The following RIMS3 variants were observed in gnomAD, a reference collection of about 807,000 sequenced individuals.
The protein encoded by RIMS3 is regulating synaptic membrane exocytosis protein 3.
A neutral mutation model predicts 29.2 loss-of-function variants in RIMS3; 15 were observed. The observed-to-expected ratio is 0.51, with a 90% CI of 0.34 to 0.79. The LOEUF (loss-of-function observed/expected upper bound fraction) is 0.79. RIMS3 is among the 30% of genes least tolerant of loss of function. The pLI is 0.01. For missense variants in RIMS3, 342 were observed against 421.4 expected, an observed-to-expected ratio of 0.81 and a Z score of 1.65; for synonymous variants, 161 against 170.1, an observed-to-expected ratio of 0.95 and a Z score of 0.41.
Position 40,641,766 on chromosome 1 carries a change from C to A in RIMS3, c.160G>T (p.Val54Leu). Residue 54 changes from valine (V) to leucine (L), a missense_variant, in exon 3 of 8, where the codon GTG (valine) becomes TTG (leucine). By Grantham distance (32) the Val-to-Leu change is conservative (BLOSUM62 1). Transcript: ENST00000372684. Reference sequence around the variant, plus strand: ...CACTGAGTCAGGCCCACGATGGCCACCATCTTGGCACCCAGGCTGCTCCGC... The same window carrying A: ...CACTGAGTCAGGCCCACGATGGCCAACATCTTGGCACCCAGGCTGCTCCGC... ...KRRSSLGAKM[V>L]AIVGLTQWSK... 1 of 1,613,874 alleles carries A rather than the reference C, an allele frequency of 6.2e-7. No individual in the cohort carries two copies. The highest frequency in any genetic ancestry group is 1.3e-5 in the African/African-American group (1 of 75,044).
chr1:40,669,717 A>T (rs147034121), upstream of RIMS3: 850 of 152,390 alleles, frequency 5.6e-3, 7 homozygotes, highest in Non-Finnish European at 8.1e-3. Context: ...GGTAGACCAC[A>T]GATGGGGCTG....
chr1:40,661,962 C>T (rs1262300509), intron 1 of RIMS3, among the ~76,000 whole-genome samples: 1 of 152,184 alleles, frequency 6.6e-6, no homozygotes, highest in Admixed American at 6.5e-5. Flanking sequence ...GCTGTCCTCC[C>T]TCCTGGGGCC....
At chr1:40,638,840 A>G (rs1646537848) in intron 3 of RIMS3, among the ~76,000 whole-genome samples, 1 of 152,250 alleles carries the variant, frequency 6.6e-6, no homozygotes, top group Non-Finnish European at 1.5e-5. Context: ...ATTTTACAGA[A>G]GAGGAAACTG....
rs550951073 is a variant in RIMS3 at position 40,641,240 on chromosome 1, T to C, written c.217+469A>G. 2.6e-5 allele frequency among the ~76,000 whole-genome samples: 4 copies of C among 152,332 alleles called. No individual in the cohort carries two copies. In the South Asian group the frequency reaches 6.2e-4, roughly 24 times the overall value. On this transcript the variant is annotated intron_variant, in intron 3 of 7. Transcript: ENST00000372684. Reference sequence around the variant, plus strand: ...CTCCCGCTTCTCCCTCCCAAAGTGCTGGGATTATAGGTGTGAACCCTGCAC... The same window carrying C: ...CTCCCGCTTCTCCCTCCCAAAGTGCCGGGATTATAGGTGTGAACCCTGCAC...
At position 40,626,731 on chromosome 1, in the gene RIMS3, T is replaced by C; in HGVS notation, c.715-2A>G. ...GCCATAGTCTCCCCAGACGATCACCTGCCAGGAGGAAGAGAGGGAGGGAGT... is the reference window on the plus strand; with the variant it reads ...GCCATAGTCTCCCCAGACGATCACCCGCCAGGAGGAAGAGAGGGAGGGAGT... On this transcript the variant is annotated splice_acceptor_variant, in intron 7 of 7. Transcript: ENST00000372684. LOFTEE classifies it high-confidence loss of function. The C allele has an allele frequency of 6.2e-7, 1 of 1,613,870 alleles. No individual in the cohort carries two copies. The highest frequency in any genetic ancestry group is 8.5e-7 in the Non-Finnish European group (1 of 1,179,920).
At chr1:40,681,379 A>G in the RIMS3 span, 1 of 151,600 alleles carries the variant, frequency 6.6e-6, no homozygotes, top group Non-Finnish European at 1.5e-5. Flanking sequence ...TTTTGACCCC[A>G]GAACTGCTTT....
At chr1:40,640,147 G>A (rs1646546302) in intron 3 of RIMS3, among the ~76,000 whole-genome samples, 1 of 152,104 alleles carries the variant, frequency 6.6e-6, no homozygotes, top group African/African-American at 2.4e-5. Context: ...GTCCCCTGGA[G>A]CCAGACTCCC....
the RIMS3 span, among the ~76,000 whole-genome samples, chr1:40,671,909 T>C: frequency 1.3e-5 from 2 of 151,934 alleles, no homozygotes; most frequent in African/African-American, 4.8e-5. Context: ...ACTACAGGCA[T>C]GTACCACCAT....
In RIMS3 at chr1:40,626,157, G is replaced by A. The variant is rs1047568777; in HGVS notation, c.*360C>T. ...GACCAGGCAGCACCGACCAGTGGCC[G>A]CATGCCCCACCTCCATCCCTGGAGA... is the stretch of plus-strand genomic sequence containing the variant. On this transcript the variant is annotated 3_prime_UTR_variant, in exon 8 of 8. Transcript: ENST00000372684. The A allele has an allele frequency of 1.1e-5, 4 of 348,884 alleles. No homozygotes were observed. Among genetic ancestry groups the A allele is most frequent in the African/African-American group, 2.1e-5 (1 of 47,366 alleles). 21.6% of individuals were successfully genotyped at this position (348,884 alleles called of 1,614,324 possible). A position where few individuals can be genotyped will look rare whatever the true frequency, so the allele number is the denominator to read the frequency against.
At chr1:40,629,054 G>C in intron 6 of RIMS3, 105 bp from the exon 7 acceptor site, 2 of 1,434,664 alleles carry the variant, frequency 1.4e-6, no homozygotes, top group Middle Eastern at 2.2e-4. Context: ...AGGATGTGTG[G>C]AATGAGCCAG....
intron 5 of RIMS3, among the ~76,000 whole-genome samples, chr1:40,632,364 T>G (rs1168282739): frequency 2.0e-5 from 3 of 150,154 alleles, no homozygotes; most frequent in Non-Finnish European, 4.4e-5. Flanking sequence ...ATGATTGATA[T>G]TCAGTAATGG....
At chr1:40,661,988 C>A (rs959148698) in intron 1 of RIMS3, among the ~76,000 whole-genome samples, 3 of 152,308 alleles carry the variant, frequency 2.0e-5, no homozygotes, top group East Asian at 3.9e-4. Context: ...CATAAACAAC[C>A]GGTTCCCTGG....
upstream of RIMS3, among the ~76,000 whole-genome samples, chr1:40,665,919 G>A (rs967084108): frequency 5.3e-5 from 8 of 152,154 alleles, no homozygotes; most frequent in Non-Finnish European, 1.2e-4. Context: ...CTCCTGCCCG[G>A]CCTCCCCTCT....
chr1:40,664,580 C>T (rs1188601435), intron 1 of RIMS3, among the ~76,000 whole-genome samples: 1 of 152,162 alleles, frequency 6.6e-6, no homozygotes, highest in Non-Finnish European at 1.5e-5. Context: ...CACATTGAAA[C>T]AGGCCCCAAG....
chr1:40,671,865 GGA>G, the RIMS3 span, among the ~76,000 whole-genome samples: 1 of 151,286 alleles, frequency 6.6e-6, no homozygotes, highest in Non-Finnish European at 1.5e-5. Context: ...CAGGTTCAAG[GGA>G]TTCTCCTACC....
chr1:40,669,275 T>C (rs1166434847), upstream of RIMS3, among the ~76,000 whole-genome samples: 1 of 152,236 alleles, frequency 6.6e-6, no homozygotes, highest in Non-Finnish European at 1.5e-5. Flanking sequence ...CTTATCTCCA[T>C]TTGATGGACG....
the RIMS3 span, among the ~76,000 whole-genome samples, chr1:40,681,188 C>G: frequency 1.3e-5 from 2 of 152,346 alleles, no homozygotes; most frequent in Admixed American, 6.5e-5. Flanking sequence ...CCTATTTCAA[C>G]TCCTGCTTCC....
chr1:40,671,113 T>C, the RIMS3 span, among the ~76,000 whole-genome samples: 1 of 152,088 alleles, frequency 6.6e-6, no homozygotes, highest in Non-Finnish European at 1.5e-5. Flanking sequence ...TTTTGTGGTT[T>C]AGGTAGTAGA....
chr1:40,691,686 G>A, the RIMS3 span: 3 of 450,768 alleles, frequency 6.7e-6, no homozygotes, highest in Non-Finnish European at 1.3e-5. Flanking sequence ...GGAGGGGGAA[G>A]GGAAAAGGGG....
Sources: allele counts gnomAD v4.1 joint callset (sites outside exome capture counted in the v4.1 genomes callset), GRCh38; gene constraint gnomAD v4.1.1; transcripts MANE v1.5; gene names NCBI Gene and HGNC (gene_info 2026-07-23, HGNC 2026-07-21).